Variants in METAP1 observed in about 807,000 individuals in gnomAD.
METAP1 encodes methionine aminopeptidase 1.
Under a neutral mutation model 53.8 loss-of-function variants are expected in METAP1, and 28 were observed. The observed-to-expected ratio is 0.52, with a 90% CI of 0.39 to 0.71. The LOEUF is 0.71. Among genes scored for constraint, METAP1 ranks in the 30% least tolerant of loss-of-function variants. METAP1 has a pLI of 0.00. For missense variants in METAP1, 389 were observed against 479.8 expected (o/e 0.81, Z 1.77); for synonymous variants, 181 against 165.7 (o/e 1.09, Z -0.71).
chr4:99,060,653 G>A (rs968635925), intron 10 of METAP1, among the ~76,000 whole-genome samples: 1 of 152,034 alleles, frequency 6.6e-6, no homozygotes, highest in African/African-American at 2.4e-5. Flanking sequence ...GTGTGCCACC[G>A]CGCCTGGCCA....
At chr4:99,023,060 C>G in intron 1 of METAP1, 1 of 1,357,834 alleles carries the variant, frequency 7.4e-7, no homozygotes. Flanking sequence ...TCCTCCTCCA[C>G]ATCTAGTGTC....
At position 99,043,172 on chromosome 4, in the gene METAP1, T is replaced by G. The variant is rs188747196; in HGVS notation, c.517-77T>G. 5,659 of 1,146,540 alleles carry G rather than the reference T, an allele frequency of 4.9e-3. 28 individuals are homozygous for G. The highest frequency in any genetic ancestry group is 5.6e-3 in the Non-Finnish European group (4,620 of 822,984). 71.0% of individuals were successfully genotyped at this position (1,146,540 alleles called of 1,614,324 possible). A position where few individuals can be genotyped will look rare whatever the true frequency, so the allele number is the denominator to read the frequency against. ...AGCATGTGTCCAACTGTTTTCACAT[T>G]TTTCAAATTTTAAAATCTGTAATTT... is the stretch of plus-strand genomic sequence containing the variant. On this transcript the variant is annotated intron_variant, in intron 6 of 10. Transcript: ENST00000296411.
intron 3 of METAP1, among the ~76,000 whole-genome samples, chr4:99,034,619 G>T (rs1725296077): frequency 6.6e-6 from 1 of 152,090 alleles, no homozygotes; most frequent in Non-Finnish European, 1.5e-5. Context: ...TGATGGTAGT[G>T]TGTACAGTCG....
chr4:99,020,510 C>T (rs990161968), intron 1 of METAP1, among the ~76,000 whole-genome samples: 1 of 151,740 alleles, frequency 6.6e-6, no homozygotes, highest in African/African-American at 2.4e-5. Flanking sequence ...GCGGGACTAC[C>T]ACCTGAGGAG....
intron 9 of METAP1, among the ~76,000 whole-genome samples, chr4:99,057,443 T>G (rs190179201): frequency 1.3e-5 from 2 of 152,334 alleles, no homozygotes; most frequent in Admixed American, 1.3e-4. Context: ...ATCAAGGCAC[T>G]TTTCTTTTAT....
chr4:99,021,538 G>T (rs1339672149), intron 1 of METAP1, among the ~76,000 whole-genome samples: 1 of 152,084 alleles, frequency 6.6e-6, no homozygotes, highest in Non-Finnish European at 1.5e-5. Flanking sequence ...ATGTTGTAAA[G>T]AAATCAACAC....
At position 98,995,748 on chromosome 4, in the gene METAP1, G is replaced by A; in HGVS notation, c.-6G>A. ...CGGTGAGGCGCTCTTCCAGCGGGCAGGCAGCATGGCGGCCGTGGAGACGCG... is the reference window on the plus strand; with the variant it reads ...CGGTGAGGCGCTCTTCCAGCGGGCAAGCAGCATGGCGGCCGTGGAGACGCG... On this transcript the variant is annotated 5_prime_UTR_variant, in exon 1 of 11. Coordinates refer to ENST00000296411, the MANE Select transcript of METAP1 (RefSeq NM_015143.3). 1 of 1,545,006 alleles carries A rather than the reference G, an allele frequency of 6.5e-7. No individual in the cohort carries two copies. Among genetic ancestry groups the A allele is most frequent in the Non-Finnish European group, 8.7e-7 (1 of 1,143,876 alleles).
intron 1 of METAP1, among the ~76,000 whole-genome samples, chr4:99,020,989 T>G (rs1196628758): frequency 6.6e-6 from 1 of 152,202 alleles, no homozygotes; most frequent in Non-Finnish European, 1.5e-5. Flanking sequence ...GTATTCCCCA[T>G]GTTGGGTGAG....
intron 7 of METAP1, among the ~76,000 whole-genome samples, chr4:99,043,997 A>G (rs1726048949): frequency 6.6e-6 from 1 of 152,176 alleles, no homozygotes; most frequent in Admixed American, 6.5e-5. Flanking sequence ...CAGGGGCGCC[A>G]CCATGGCTCA....
At chr4:99,016,853 C>T (rs1371363003) in intron 1 of METAP1, among the ~76,000 whole-genome samples, 3 of 152,054 alleles carry the variant, frequency 2.0e-5, no homozygotes, top group African/African-American at 4.8e-5. Flanking sequence ...GCCTGAGGGC[C>T]CCAGCATGTT....
intron 1 of METAP1, among the ~76,000 whole-genome samples, chr4:99,001,765 A>G (rs1579232104): frequency 6.6e-6 from 1 of 152,226 alleles, no homozygotes; most frequent in African/African-American, 2.4e-5. Flanking sequence ...ATAATGGTAC[A>G]GGATTTGGTA....
Position 99,061,275 on chromosome 4 carries a change from G to A in METAP1, c.1119G>A (p.Arg373=), listed in dbSNP as rs1336490095. 1.2e-6 allele frequency: 2 copies of A among 1,613,836 alleles called. No individual in the cohort carries two copies. The highest frequency in any genetic ancestry group is 1.1e-5 in the South Asian group (1 of 91,056). The stretch of plus-strand genomic sequence containing the variant: ...ACACTGGCTGTGAAATCCTAACCCG[G>A]CGACTTGACAGTGCACGGCCTCACT... ...VTDTGCEILT[R]RLDSARPHFM... Residue 373 remains arginine, a synonymous_variant, in exon 11 of 11, where the codon CGG becomes CGA. Coordinates refer to ENST00000296411, the MANE Select transcript of METAP1 (RefSeq NM_015143.3).
chr4:99,005,067 G>A (rs1270270121), intron 1 of METAP1, among the ~76,000 whole-genome samples: 1 of 152,116 alleles, frequency 6.6e-6, no homozygotes, highest in African/African-American at 2.4e-5. Flanking sequence ...CATAGGATAT[G>A]TGTTTAGCTT....
At chr4:99,025,258 C>T (rs1724479857) in intron 1 of METAP1, 1 of 589,372 alleles carries the variant, frequency 1.7e-6, no homozygotes, top group Admixed American at 6.3e-5. Flanking sequence ...CAAGTTTGGC[C>T]TATGCCTAGG....
intron 1 of METAP1, among the ~76,000 whole-genome samples, chr4:98,996,229 C>A (rs1204333294): frequency 1.3e-5 from 2 of 152,170 alleles, no homozygotes; most frequent in Non-Finnish European, 2.9e-5. Context: ...AGGCAGGTAG[C>A]GGCGCCGGGA....
chr4:99,015,012 T>C (rs1179926679), intron 1 of METAP1, among the ~76,000 whole-genome samples: 1 of 152,192 alleles, frequency 6.6e-6, no homozygotes, highest in Admixed American at 6.5e-5. Context: ...TTGGCAAGAT[T>C]CATCATTCCA....
At chr4:98,996,117 C>T (rs1722610579) in intron 1 of METAP1, among the ~76,000 whole-genome samples, 2 of 152,136 alleles carry the variant, frequency 1.3e-5, no homozygotes, top group African/African-American at 4.8e-5. Context: ...TGGGCTGGGG[C>T]GGAAGCGGGC....
chr4:98,998,778 A>T (rs1348252371), intron 1 of METAP1, among the ~76,000 whole-genome samples: 1 of 152,060 alleles, frequency 6.6e-6, no homozygotes, highest in East Asian at 1.9e-4. Flanking sequence ...CCTTTTGTGC[A>T]ATCTATGATT....
intron 2 of METAP1, among the ~76,000 whole-genome samples, chr4:99,030,711 T>A (rs920815144): frequency 1.1e-4 from 17 of 151,644 alleles, no homozygotes; most frequent in Non-Finnish European, 2.4e-4. Context: ...AAGTTAGCAC[T>A]TCAGTCCAAG....
Sources: allele counts gnomAD v4.1 joint callset (sites outside exome capture counted in the v4.1 genomes callset), GRCh38; gene constraint gnomAD v4.1.1; transcripts MANE v1.5; gene names NCBI Gene and HGNC (gene_info 2026-07-23, HGNC 2026-07-21).